Variants in TCERG1L observed in about 807,000 individuals in gnomAD.
The protein encoded by TCERG1L is transcription elongation regulator 1 like.
In TCERG1L, 37 loss-of-function variants were observed where a neutral mutation model predicts 56.3. The observed-to-expected ratio is 0.66, with a 90% CI of 0.51 to 0.87. The LOEUF (loss-of-function observed/expected upper bound fraction) is 0.87. Ranked by LOEUF, TCERG1L falls within the 40% of genes least tolerant of loss-of-function variation. The pLI, the probability that TCERG1L is intolerant of heterozygous loss-of-function variation, is 0.00. For synonymous variants in TCERG1L, 324 were observed against 326.3 expected (o/e 0.99, Z 0.08); for missense variants, 799 against 774.2 (o/e 1.03, Z -0.38).
At chr10:131,216,754 G>A (rs1000710143) in intron 4 of TCERG1L, among the ~76,000 whole-genome samples, 2 of 152,226 alleles carry the variant, frequency 1.3e-5, no homozygotes, top group African/African-American at 2.4e-5. Context: ...TTTATAAGAA[G>A]ATGTGTCTTG....
rs1846298597 is a variant in TCERG1L, at chr10:131,267,426, T to C, written c.671-6982A>G. Among the ~76,000 whole-genome samples, 1 of 152,188 alleles carries C rather than the reference T, an allele frequency of 6.6e-6. No individual in the cohort carries two copies. The highest frequency in any genetic ancestry group is 2.1e-4 in the South Asian group (1 of 4,832). ...GAGGCCCAGGCCCACAGCTGCAACCTGGGTGGCTGCAACTGAGCCTCGGCA... is the reference window on the plus strand; with the variant it reads ...GAGGCCCAGGCCCACAGCTGCAACCCGGGTGGCTGCAACTGAGCCTCGGCA... On this transcript the variant is annotated intron_variant, in intron 3 of 11. Coordinates refer to ENST00000368642, the MANE Select transcript of TCERG1L (RefSeq NM_174937.4). This position sits in a 1 kb window ranked among gnomAD's most constrained non-coding sequence, Gnocchi z 4.9.
intron 10 of TCERG1L, among the ~76,000 whole-genome samples, chr10:131,098,860 A>C (rs560220883): frequency 4.6e-5 from 7 of 152,230 alleles, no homozygotes; most frequent in Non-Finnish European, 8.8e-5. Context: ...AGAACACAGC[A>C]GAGCACTTAG....
rs753602439 is a variant in TCERG1L at position 131,163,133 on chromosome 10, G to T, written c.1023C>A (p.Pro341=). 6.3e-7 allele frequency: 1 copy of T among 1,576,746 alleles called. No homozygotes were observed. Among genetic ancestry groups the T allele is most frequent in the East Asian group, 2.3e-5 (1 of 43,588 alleles). ...GNRPVASTPV[P]GSPWCVVWTG... ...TTGGGGTGTCTTACCAGGGGGATCC[G>T]GGCACCGGGGTGGAGGCCACTGGCC... Residue 341 remains proline, a synonymous_variant, in exon 6 of 12, where the codon CCC becomes CCA. Transcript: ENST00000368642.
intron 9 of TCERG1L, among the ~76,000 whole-genome samples, chr10:131,108,764 C>A (rs1215743713): frequency 6.6e-6 from 1 of 152,204 alleles, no homozygotes; most frequent in Non-Finnish European, 1.5e-5. Flanking sequence ...AGGGGCTTTG[C>A]TCGCGTCTGG....
intron 6 of TCERG1L, among the ~76,000 whole-genome samples, chr10:131,158,353 C>T (rs569287826): frequency 1.3e-5 from 2 of 152,334 alleles, no homozygotes; most frequent in South Asian, 4.1e-4. Context: ...TATAACTGTA[C>T]ACAGGAGATG....
intron 8 of TCERG1L, among the ~76,000 whole-genome samples, chr10:131,131,033 CG>C (rs1350946366): frequency 1.3e-5 from 2 of 152,194 alleles, no homozygotes; most frequent in African/African-American, 4.8e-5. Context: ...TGAGCACCCA[CG>C]CAAGCTACAC....
At chr10:131,270,797 G>C (rs1846331943) in intron 3 of TCERG1L, among the ~76,000 whole-genome samples, 2 of 152,132 alleles carry the variant, frequency 1.3e-5, no homozygotes, top group Admixed American at 6.5e-5. Context: ...ATCAGGCTTG[G>C]CGAGGTTTGT....
intron 10 of TCERG1L, among the ~76,000 whole-genome samples, chr10:131,099,828 T>C (rs1176251392): frequency 6.6e-6 from 1 of 152,220 alleles, no homozygotes; most frequent in Non-Finnish European, 1.5e-5. Context: ...TATGTGCATG[T>C]ATATGTAAGT....
At chr10:131,227,995 C>T in intron 4 of TCERG1L, among the ~76,000 whole-genome samples, 1 of 151,354 alleles carries the variant, frequency 6.6e-6, no homozygotes, top group Non-Finnish European at 1.5e-5. Flanking sequence ...ACCCCCAGCA[C>T]CTGACTTGGA....
At chr10:131,099,288 C>T (rs907765594) in intron 10 of TCERG1L, among the ~76,000 whole-genome samples, 1 of 152,196 alleles carries the variant, frequency 6.6e-6, no homozygotes, top group Non-Finnish European at 1.5e-5. Flanking sequence ...TGTGACAGGC[C>T]ACAGAACCTC....
At chr10:131,208,436 G>A (rs1042797243) in intron 4 of TCERG1L, among the ~76,000 whole-genome samples, 11 of 152,174 alleles carry the variant, frequency 7.2e-5, no homozygotes, top group African/African-American at 2.4e-4. Flanking sequence ...GGTGAGCTCC[G>A]CAGAGACCAG....
At chr10:131,231,144 G>A (rs557831061) in intron 4 of TCERG1L, among the ~76,000 whole-genome samples, 70 of 152,326 alleles carry the variant, frequency 4.6e-4, no homozygotes, top group African/African-American at 1.5e-3. Flanking sequence ...AGTTCCAAGC[G>A]AGTGGGTTCT....
rs376702343 is a variant in TCERG1L at position 131,293,675 on chromosome 10, G to A, written c.670+14536C>T. Among the ~76,000 whole-genome samples the A allele has an allele frequency of 1.0e-3, 154 of 152,198 alleles. 1 individual carries two copies. Among genetic ancestry groups the A allele is most frequent in the African/African-American group, 3.5e-3 (144 of 41,506 alleles). On this transcript the variant is annotated intron_variant, in intron 3 of 11. Transcript: ENST00000368642. ...CTGTACCCTTGGCCTGTAAGAGAAC[G>A]TGCTCCTGACCGAAATCCACCAGAA...
At position 131,311,277 on chromosome 10, in the gene TCERG1L, G is replaced by T; in HGVS notation, c.342+17C>A. 8.3e-7 allele frequency: 1 copy of T among 1,203,200 alleles called. No homozygotes were observed. Among genetic ancestry groups the T allele is most frequent in the East Asian group, 3.5e-5 (1 of 28,894 alleles). 74.5% of individuals were successfully genotyped at this position (1,203,200 alleles called of 1,614,324 possible). On this transcript the variant is annotated intron_variant, in intron 1 of 11. Coordinates refer to ENST00000368642, the MANE Select transcript of TCERG1L (RefSeq NM_174937.4). The surrounding 1 kb of genome is among the most constrained non-coding windows in gnomAD (Gnocchi z 4.0). ...GGAGACGGCGACCCGGGCCGAGGCGGGACGGGGACACGTTACCTGCCCGTG... is the reference window on the plus strand; with the variant it reads ...GGAGACGGCGACCCGGGCCGAGGCGTGACGGGGACACGTTACCTGCCCGTG...
At chr10:131,140,434 T>C (rs1473331170) in intron 7 of TCERG1L, among the ~76,000 whole-genome samples, 1 of 152,174 alleles carries the variant, frequency 6.6e-6, no homozygotes, top group Non-Finnish European at 1.5e-5. Flanking sequence ...CTGAGGAGGA[T>C]GGGGCTTGGT....
chr10:131,225,918 G>A lies in TCERG1L; in HGVS notation c.856+34341C>T, dbSNP rs117158546. 3.1e-3 allele frequency among the ~76,000 whole-genome samples: 468 copies of A among 152,290 alleles called. 2 individuals are homozygous for A. The highest frequency in any genetic ancestry group is 5.0e-3 in the Non-Finnish European group (343 of 68,024). ...CATCTCAGAGCAGCACGCCCTAGAC[G>A]CCAGGGTCAATTTCCTTCAAGTATT... On this transcript the variant is annotated intron_variant, in intron 4 of 11. Transcript: ENST00000368642.
At chr10:131,169,135 T>C (rs1846063345) in intron 4 of TCERG1L, among the ~76,000 whole-genome samples, 1 of 152,158 alleles carries the variant, frequency 6.6e-6, no homozygotes, top group African/African-American at 2.4e-5. Context: ...GGTGCAGCGG[T>C]CATCAAGCAG....
intron 8 of TCERG1L, among the ~76,000 whole-genome samples, chr10:131,127,896 C>T (rs1332339805): frequency 6.6e-6 from 1 of 152,074 alleles, no homozygotes; most frequent in Non-Finnish European, 1.5e-5. Flanking sequence ...ACTACCAAGA[C>T]CACTACCAAG....
At position 131,112,606 on chromosome 10, in the gene TCERG1L, G is replaced by C. The variant is rs1193661332; in HGVS notation, c.1395+4193C>G. Reference sequence around the variant, plus strand: ...TGGCTGTGGCTGCTCCAGAGTCCCCGACCGTCAAAAACGCGGCAGCCCAGG... The same window carrying C: ...TGGCTGTGGCTGCTCCAGAGTCCCCCACCGTCAAAAACGCGGCAGCCCAGG... On this transcript the variant is annotated intron_variant, in intron 9 of 11. Coordinates refer to ENST00000368642, the MANE Select transcript of TCERG1L (RefSeq NM_174937.4). Among the ~76,000 whole-genome samples, 7 of 142,202 alleles carry C rather than the reference G, an allele frequency of 4.9e-5. 2 individuals are homozygous for C. Among genetic ancestry groups the C allele is most frequent in the Non-Finnish European group, 1.1e-4 (7 of 63,190 alleles). The allele number at this position is 142,202 out of a possible 152,430, so 93.3% of individuals were successfully genotyped here.
Sources: allele counts gnomAD v4.1 joint callset (sites outside exome capture counted in the v4.1 genomes callset), GRCh38; gene constraint gnomAD v4.1.1; non-coding constraint Gnocchi (gnomAD v3.1); transcripts MANE v1.5; gene names NCBI Gene and HGNC (gene_info 2026-07-23, HGNC 2026-07-21).